ATG5: variants seen among roughly 807,000 people sequenced by gnomAD.
The protein encoded by ATG5 is autophagy related 5, also known as autophagy protein 5.
In ATG5, 14 loss-of-function variants were observed where a neutral mutation model predicts 36.5. That is an observed-to-expected ratio of 0.38 (90% CI 0.25 to 0.60). The LOEUF is 0.60. Ranked by LOEUF, ATG5 falls within the 20% of genes least tolerant of loss-of-function variation. The pLI, the probability that ATG5 is intolerant of heterozygous loss-of-function variation, is 0.60. For synonymous variants in ATG5, 95 were observed against 101.5 expected, an observed-to-expected ratio of 0.94 and a Z score of 0.38; for missense variants, 195 against 326.7, an observed-to-expected ratio of 0.60 and a Z score of 3.11.
chr6:106,205,503 T>C (rs943309306), intron 6 of ATG5, among the ~76,000 whole-genome samples: 1 of 152,142 alleles, frequency 6.6e-6, no homozygotes, highest in South Asian at 2.1e-4. Context: ...TAGCAAAAGA[T>C]TACATGTACC....
chr6:106,312,950 G>A (rs1338322861), intron 2 of ATG5, among the ~76,000 whole-genome samples: 2 of 152,224 alleles, frequency 1.3e-5, no homozygotes, highest in African/African-American at 2.4e-5. Context: ...AGCCATGGAG[G>A]AAAAGCCAAA....
rs1006294660 is a variant in ATG5 at position 106,216,101 on chromosome 6, T to C, written c.574-14012A>G. On this transcript the variant is annotated intron_variant, in intron 6 of 7. Transcript: ENST00000369076. ...TAATTAAAACTATAGAAAATAAGCG[T>C]TGGCAAGGATGTGGACAAATTGGAA... Among the ~76,000 whole-genome samples, 6 of 152,106 alleles carry C rather than the reference T, an allele frequency of 3.9e-5. No homozygotes were observed. In the East Asian group the frequency reaches 5.8e-4, roughly 15 times the overall value.
At position 106,272,842 on chromosome 6, in the gene ATG5, T is replaced by C. The variant is rs558742056; in HGVS notation, c.478+6819A>G. Among the ~76,000 whole-genome samples, 263 of 152,138 alleles carry C rather than the reference T, an allele frequency of 1.7e-3. 1 individual carries two copies. Among genetic ancestry groups the C allele is most frequent in the Non-Finnish European group, 2.7e-3 (186 of 68,030 alleles). ...GACAATGAATGTTGTTTCCAAGACTTGATTAAACATGAGAGTATAAAATCT... is the reference window on the plus strand; with the variant it reads ...GACAATGAATGTTGTTTCCAAGACTCGATTAAACATGAGAGTATAAAATCT... On this transcript the variant is annotated intron_variant, in intron 5 of 7. Transcript: ENST00000369076.
intron 6 of ATG5, among the ~76,000 whole-genome samples, chr6:106,234,258 T>TG (rs1777805179): frequency 2.0e-5 from 3 of 152,264 alleles, no homozygotes; most frequent in South Asian, 4.1e-4. Context: ...CATACTTGCC[T>TG]GGTAAGCCTA....
chr6:106,191,564 T>C (rs147061737), intron 7 of ATG5, among the ~76,000 whole-genome samples: 306 of 152,244 alleles, frequency 2.0e-3, no homozygotes, highest in African/African-American at 7.1e-3. Flanking sequence ...TTCCTCATCT[T>C]ACAGTGTGAA....
intron 6 of ATG5, among the ~76,000 whole-genome samples, chr6:106,228,621 C>A (rs1202009270): frequency 6.6e-6 from 1 of 152,122 alleles, no homozygotes; most frequent in African/African-American, 2.4e-5. Context: ...GTTCTGGGAG[C>A]AAGGACCCCC....
At chr6:106,256,673 T>C (rs1040839481) in intron 5 of ATG5, among the ~76,000 whole-genome samples, 5 of 152,178 alleles carry the variant, frequency 3.3e-5, no homozygotes, top group Admixed American at 6.5e-5. Context: ...CTATATGGTA[T>C]GTGCAAACCA....
intron 1 of ATG5, among the ~76,000 whole-genome samples, chr6:106,316,711 T>C (rs1770865128): frequency 6.6e-6 from 1 of 152,208 alleles, no homozygotes; most frequent in Admixed American, 6.5e-5. Context: ...TTCTCCTCTC[T>C]TCCTGCAAAA....
intron 5 of ATG5, among the ~76,000 whole-genome samples, chr6:106,265,214 T>C (rs1375130495): frequency 7.8e-6 from 1 of 128,716 alleles, no homozygotes. Context: ...TAGTCCCTGA[T>C]AAAACAGACT....
intron 6 of ATG5, among the ~76,000 whole-genome samples, chr6:106,227,026 G>C (rs1440650768): frequency 2.6e-5 from 4 of 151,884 alleles, no homozygotes; most frequent in Non-Finnish European, 5.9e-5. Context: ...GCAGAAAAAG[G>C]GTCAGAGTAT....
chr6:106,308,220 T>C (rs1770522537), intron 3 of ATG5, 144 bp downstream of exon 3: 2 of 568,606 alleles, frequency 3.5e-6, no homozygotes, highest in East Asian at 3.6e-5. Flanking sequence ...CGTATTCTAG[T>C]AATAGTCTAA....
intron 4 of ATG5, among the ~76,000 whole-genome samples, chr6:106,292,378 A>T (rs1390305969): frequency 1.3e-5 from 2 of 152,190 alleles, no homozygotes; most frequent in Non-Finnish European, 2.9e-5. Flanking sequence ...GGAATGAGGG[A>T]CCAGCACTTC....
chr6:106,205,428 C>G (rs971667561), intron 6 of ATG5, among the ~76,000 whole-genome samples: 7 of 152,134 alleles, frequency 4.6e-5, no homozygotes, highest in African/African-American at 1.7e-4. Flanking sequence ...ATTTCTAACA[C>G]AAAGAAATAA....
chr6:106,292,808 A>C (rs1189984106), intron 4 of ATG5, among the ~76,000 whole-genome samples: 3 of 152,240 alleles, frequency 2.0e-5, no homozygotes, highest in Non-Finnish European at 2.9e-5. Context: ...TTCAGCACTA[A>C]TAAAGAAAAG....
chr6:106,190,675 C>T (rs757637216), intron 7 of ATG5, among the ~76,000 whole-genome samples: 14 of 151,458 alleles, frequency 9.2e-5, no homozygotes, highest in Non-Finnish European at 1.9e-4. Flanking sequence ...AAAAAAGTTA[C>T]GTTTTAAGAA....
chr6:106,253,615 C>T (rs1347157341), intron 5 of ATG5, among the ~76,000 whole-genome samples: 2 of 152,170 alleles, frequency 1.3e-5, no homozygotes, highest in Admixed American at 6.5e-5. Flanking sequence ...TTCACCACTA[C>T]CACTTTCACC....
At chr6:106,302,723 A>G (rs1770268235) in intron 3 of ATG5, among the ~76,000 whole-genome samples, 1 of 152,082 alleles carries the variant, frequency 6.6e-6, no homozygotes, top group African/African-American at 2.4e-5. Context: ...TCAAACTAGA[A>G]ATCAATAATG....
intron 6 of ATG5, among the ~76,000 whole-genome samples, chr6:106,240,450 C>T (rs1778077272): frequency 6.7e-6 from 1 of 150,034 alleles, no homozygotes; most frequent in Non-Finnish European, 1.5e-5. Flanking sequence ...TACAGAAAAC[C>T]AAGTCCAAAT....
At chr6:106,272,684 C>G (rs1057379793) in intron 5 of ATG5, among the ~76,000 whole-genome samples, 2 of 152,162 alleles carry the variant, frequency 1.3e-5, no homozygotes, top group Non-Finnish European at 2.9e-5. Context: ...TCATATTTAC[C>G]CCAGCGTCCC....
Sources: allele counts gnomAD v4.1 joint callset (sites outside exome capture counted in the v4.1 genomes callset), GRCh38; gene constraint gnomAD v4.1.1; transcripts MANE v1.5; gene names NCBI Gene and HGNC (gene_info 2026-07-23, HGNC 2026-07-21).